MAP4K3: variants seen among roughly 807,000 people sequenced by gnomAD.
The protein encoded by MAP4K3 is mitogen-activated protein kinase kinase kinase kinase 3.
MAP4K3 carries 94 observed loss-of-function variants against 143.5 expected under a neutral mutation model. The observed-to-expected ratio is 0.65, with a 90% CI of 0.55 to 0.78. MAP4K3 has a LOEUF of 0.78. MAP4K3 is among the 30% of genes least tolerant of loss of function. The probability of loss-of-function intolerance (pLI) is 0.00; values close to 1 mark genes in which losing one functional copy is unlikely to be tolerated. For missense variants in MAP4K3, 1,077 were observed against 1,068.1 expected (o/e 1.01, Z -0.12); for synonymous variants, 416 against 347.2 (o/e 1.20, Z -2.20).
At chr2:39,319,499 T>C (rs1683232851) in intron 12 of MAP4K3, among the ~76,000 whole-genome samples, 1 of 152,118 alleles carries the variant, frequency 6.6e-6, no homozygotes. Context: ...GCACGGAGTT[T>C]GGTATACTTG....
At chr2:39,430,247 A>G (rs1665244727) in intron 1 of MAP4K3, among the ~76,000 whole-genome samples, 1 of 152,220 alleles carries the variant, frequency 6.6e-6, no homozygotes, top group South Asian at 2.1e-4. Context: ...TTTATACAGA[A>G]AGAATTTTTA....
chr2:39,436,136 G>T (rs990747187), intron 1 of MAP4K3, among the ~76,000 whole-genome samples: 2 of 152,152 alleles, frequency 1.3e-5, no homozygotes, highest in Non-Finnish European at 2.9e-5. Flanking sequence ...AGGGAAGAGT[G>T]ATTTATCTTC....
At chr2:39,283,265 A>C (rs1681618439) in intron 21 of MAP4K3, among the ~76,000 whole-genome samples, 1 of 152,160 alleles carries the variant, frequency 6.6e-6, no homozygotes, top group African/African-American at 2.4e-5. Flanking sequence ...CATCACACCC[A>C]CCAGCAATGT....
intron 8 of MAP4K3, among the ~76,000 whole-genome samples, chr2:39,331,557 A>G (rs556605633): frequency 1.3e-5 from 2 of 152,280 alleles, no homozygotes; most frequent in African/African-American, 4.8e-5. Context: ...GTAATGTTGA[A>G]AGATTAATCA....
chr2:39,429,346 A>T lies in MAP4K3; in HGVS notation c.96+7546T>A, dbSNP rs569113953. Among the ~76,000 whole-genome samples, 12 of 152,336 alleles carry T rather than the reference A, an allele frequency of 7.9e-5. No homozygotes were observed. In the East Asian group the frequency reaches 2.3e-3, roughly 29 times the overall value. ...CTAAATAAATGTAAAGGTATATCAT[A>T]TTCATAGATCAGAAGACTCAATGTT... On this transcript the variant is annotated intron_variant, in intron 1 of 33. Coordinates refer to ENST00000263881, the MANE Select transcript of MAP4K3 (RefSeq NM_003618.4).
chr2:39,350,687 T>C (rs1665429569), intron 3 of MAP4K3, among the ~76,000 whole-genome samples: 1 of 152,180 alleles, frequency 6.6e-6, no homozygotes, highest in Non-Finnish European at 1.5e-5. Context: ...AAATACACCA[T>C]AATTAGTTTA....
chr2:39,316,266 A>G (rs944432869), intron 12 of MAP4K3, among the ~76,000 whole-genome samples: 6 of 152,174 alleles, frequency 3.9e-5, no homozygotes, highest in South Asian at 2.1e-4. Context: ...AATGTCCAAT[A>G]TAAGATTTGT....
intron 26 of MAP4K3, among the ~76,000 whole-genome samples, chr2:39,270,417 G>A (rs944668962): frequency 1.3e-5 from 2 of 152,130 alleles, no homozygotes; most frequent in Non-Finnish European, 2.9e-5. Flanking sequence ...TTTAACATAG[G>A]ATATTTTAGA....
chr2:39,280,518 T>C (rs1681469882), intron 22 of MAP4K3, among the ~76,000 whole-genome samples, 162 bp from the exon 23 acceptor site: 1 of 152,052 alleles, frequency 6.6e-6, no homozygotes, highest in African/African-American at 2.4e-5. Flanking sequence ...ATCATCATAG[T>C]CATTTGCCTA....
chr2:39,265,130 A>C (rs1216859331), intron 28 of MAP4K3, 73 bp downstream of exon 28: 1 of 1,030,520 alleles, frequency 9.7e-7, no homozygotes, highest in Non-Finnish European at 1.5e-6. Context: ...ACTGAAAAAA[A>C]TGTTTCTTTA....
At chr2:39,377,677 C>A (rs1666255827) in intron 2 of MAP4K3, among the ~76,000 whole-genome samples, 1 of 152,100 alleles carries the variant, frequency 6.6e-6, no homozygotes, top group African/African-American at 2.4e-5. Context: ...GTTCACAGAG[C>A]AAGGGAGTGG....
chr2:39,414,644 G>T (rs1345710353), intron 1 of MAP4K3, among the ~76,000 whole-genome samples: 1 of 152,142 alleles, frequency 6.6e-6, no homozygotes, highest in Non-Finnish European at 1.5e-5. Context: ...GGGAGGCCCA[G>T]GTGGGCGGAT....
At chr2:39,277,083 T>G (rs1167404311) in intron 24 of MAP4K3, among the ~76,000 whole-genome samples, 1 of 152,228 alleles carries the variant, frequency 6.6e-6, no homozygotes, top group Admixed American at 6.5e-5. Context: ...TAACACTCTT[T>G]TACCATTTGA....
Position 39,372,851 on chromosome 2 carries a change from G to C in MAP4K3, c.154+5215C>G, listed in dbSNP as rs150540394. Reference sequence around the variant, plus strand: ...TATGGAAATACTACAAGAAAACATTGGGGAAAATCTCCATGACACTGGTGT... The same window carrying C: ...TATGGAAATACTACAAGAAAACATTCGGGAAAATCTCCATGACACTGGTGT... On this transcript the variant is annotated intron_variant, in intron 2 of 33. Transcript: ENST00000263881. Among the ~76,000 whole-genome samples the C allele has an allele frequency of 7.1e-3, 1,078 of 152,212 alleles. 15 individuals carry two copies. The highest frequency in any genetic ancestry group is 0.025 in the African/African-American group (1,032 of 41,540).
At chr2:39,335,147 G>C (rs1573166067) in intron 6 of MAP4K3, among the ~76,000 whole-genome samples, 2 of 152,222 alleles carry the variant, frequency 1.3e-5, no homozygotes, top group African/African-American at 2.4e-5. Flanking sequence ...GAAATGCATG[G>C]GTCAGACCAC....
intron 1 of MAP4K3, among the ~76,000 whole-genome samples, chr2:39,431,953 G>A (rs79505914): frequency 6.6e-6 from 1 of 152,042 alleles, no homozygotes; most frequent in Non-Finnish European, 1.5e-5. Context: ...TACAGAGGTC[G>A]GTTGTGCAAT....
chr2:39,363,661 T>G (rs1665833486), intron 2 of MAP4K3, among the ~76,000 whole-genome samples: 1 of 115,658 alleles, frequency 8.6e-6, no homozygotes, highest in Non-Finnish European at 1.8e-5. Flanking sequence ...AGAGTGAGAC[T>G]CTGTCTCAAA....
intron 3 of MAP4K3, among the ~76,000 whole-genome samples, chr2:39,347,231 T>C (rs988816037): frequency 2.6e-5 from 4 of 152,198 alleles, no homozygotes; most frequent in African/African-American, 4.8e-5. Flanking sequence ...ATTTCTAATA[T>C]GGTAAATATC....
At chr2:39,321,586 T>C (rs1230086216) in intron 12 of MAP4K3, among the ~76,000 whole-genome samples, 1 of 151,774 alleles carries the variant, frequency 6.6e-6, no homozygotes, top group Non-Finnish European at 1.5e-5. Flanking sequence ...CCATAAAGGG[T>C]CTGTAATGAG....
Sources: allele counts gnomAD v4.1 joint callset (sites outside exome capture counted in the v4.1 genomes callset), GRCh38; gene constraint gnomAD v4.1.1; transcripts MANE v1.5; gene names NCBI Gene and HGNC (gene_info 2026-07-23, HGNC 2026-07-21).